Variants in NAB1 observed in about 807,000 individuals in gnomAD.
NAB1 encodes the protein NGFI-A-binding protein 1.
NAB1 carries 25 observed loss-of-function variants against 49.9 expected under a neutral mutation model. The observed-to-expected ratio is 0.50, with a 90% CI of 0.37 to 0.70. NAB1 has a LOEUF of 0.70. Among genes scored for constraint, NAB1 ranks in the 30% least tolerant of loss-of-function variants. The probability of loss-of-function intolerance (pLI) is 0.00; values close to 1 mark genes in which losing one functional copy is unlikely to be tolerated. For synonymous variants in NAB1, 198 were observed against 215.6 expected (o/e 0.92, Z 0.71); for missense variants, 489 against 575.9 (o/e 0.85, Z 1.54).
At position 190,659,062 on chromosome 2, in the gene NAB1, T is replaced by C. The variant is rs1018423224; in HGVS notation, c.-19-96T>C. On this transcript the variant is annotated intron_variant, in intron 3 of 9. Coordinates refer to ENST00000337386, the MANE Select transcript of NAB1 (RefSeq NM_005966.4). The surrounding 1 kb of genome is among the most constrained non-coding windows in gnomAD (Gnocchi z 6.2). ...CAGGCAGTCACGATGCAGATGCTTC[T>C]CGTTTTTGTTCTTAAAACCTGTAGT... 3.1e-5 allele frequency: 23 copies of C among 753,516 alleles called. No individual in the cohort carries two copies. The highest frequency in any genetic ancestry group is 4.4e-5 in the Non-Finnish European group (21 of 474,656). 46.7% of individuals were successfully genotyped at this position (753,516 alleles called of 1,614,324 possible).
Position 190,659,419 on chromosome 2 carries a change from T to C in NAB1, c.243T>C (p.Leu81=), listed in dbSNP as rs991591115. 2 of 1,614,000 alleles carry C rather than the reference T, an allele frequency of 1.2e-6. No individual in the cohort carries two copies. Among genetic ancestry groups the C allele is most frequent in the Non-Finnish European group, 1.7e-6 (2 of 1,180,032 alleles). ...GAGACTGGGTCACAAACCCTGGGCT[T>C]TTCAATCAGCCACTGACTTCCCTTC... The part of the protein sequence containing the change: ...ALRDWVTNPG[L]FNQPLTSLPV... Residue 81 remains leucine, a synonymous_variant, in exon 4 of 10, where the codon CTT becomes CTC. Transcript: ENST00000337386. The surrounding 1 kb of genome is among the most constrained non-coding windows in gnomAD (Gnocchi z 6.2).
intron 4 of NAB1, among the ~76,000 whole-genome samples, chr2:190,662,020 GT>G (rs1217908124): frequency 6.6e-6 from 1 of 152,150 alleles, no homozygotes; most frequent in African/African-American, 2.4e-5. Context: ...ATTAGCAGAA[GT>G]TTTTTTAGTT....
chr2:190,664,586 C>CTTTTTTTTTTTT (rs71027237), intron 4 of NAB1, among the ~76,000 whole-genome samples: 8 of 61,092 alleles, frequency 1.3e-4, no homozygotes, highest in Non-Finnish European at 1.4e-4. Flanking sequence ...TTCTTCTTTC[C>CTTTTTTTTTTTT]TTTTTTTTTT....
At position 190,687,181 on chromosome 2, in the gene NAB1, T is replaced by A; in HGVS notation, c.1259-20T>A. The stretch of plus-strand genomic sequence containing the variant: ...GGTATGTTTTTAATATTATGCATAT[T>A]TCTTTTTTCTTTTCATTAGGAGAAA... On this transcript the variant is annotated intron_variant, in intron 8 of 9. Coordinates refer to ENST00000337386, the MANE Select transcript of NAB1 (RefSeq NM_005966.4). 2 of 1,479,128 alleles carry A rather than the reference T, an allele frequency of 1.4e-6. No individual in the cohort carries two copies. Among genetic ancestry groups the A allele is most frequent in the Admixed American group, 2.4e-5 (1 of 41,656 alleles). 91.6% of individuals were successfully genotyped at this position (1,479,128 alleles called of 1,614,324 possible).
chr2:190,663,629 C>T lies in NAB1; in HGVS notation c.819+3634C>T, dbSNP rs1694337901. Among the ~76,000 whole-genome samples the T allele has an allele frequency of 6.6e-6, 1 of 152,166 alleles. No homozygotes were observed. The highest frequency in any genetic ancestry group is 2.1e-4 in the South Asian group (1 of 4,830). ...GAAGAAGCCACTCTGGGCTTAGTTG[C>T]TATTCTTGCTTGTGCTGTACACGTG... On this transcript the variant is annotated intron_variant, in intron 4 of 9. Coordinates refer to ENST00000337386, the MANE Select transcript of NAB1 (RefSeq NM_005966.4). This position sits in a 1 kb window ranked among gnomAD's most constrained non-coding sequence, Gnocchi z 4.2.
Position 190,659,815 on chromosome 2 carries a change from T to A in NAB1, c.639T>A (p.Ser213Arg). The part of the protein sequence containing the change: ...VERMAPTLPK[S>R]DLNEVKELLK... ...GGATGGCCCCCACACTGCCAAAAAGTGACTTGAATGAAGTGAAAGAGCTGC... is the reference window on the plus strand; with the variant it reads ...GGATGGCCCCCACACTGCCAAAAAGAGACTTGAATGAAGTGAAAGAGCTGC... The change falls in exon 4 of 10, where the codon AGT becomes AGA. Residue 213 changes from serine to arginine, a missense_variant. Physicochemically the swap from Ser to Arg is moderately radical, Grantham distance 110. Transcript: ENST00000337386. This position sits in a 1 kb window ranked among gnomAD's most constrained non-coding sequence, Gnocchi z 6.2. 6.2e-7 allele frequency: 1 copy of A among 1,614,152 alleles called. No individual in the cohort carries two copies. Among genetic ancestry groups the A allele is most frequent in the Non-Finnish European group, 8.5e-7 (1 of 1,180,024 alleles).
chr2:190,649,229 C>T lies in NAB1; in HGVS notation c.-465C>T, dbSNP rs1693513158. Reference sequence around the variant, plus strand: ...AGCGCGCCCACCACCTTCCCTTCCCCCCTCGATGGGAGCGGGGGCGTCCCG... The same window carrying T: ...AGCGCGCCCACCACCTTCCCTTCCCTCCTCGATGGGAGCGGGGGCGTCCCG... On this transcript the variant is annotated 5_prime_UTR_variant, in exon 1 of 10. Coordinates refer to ENST00000337386, the MANE Select transcript of NAB1 (RefSeq NM_005966.4). This position sits in a 1 kb window ranked among gnomAD's most constrained non-coding sequence, Gnocchi z 6.1. 1 of 151,900 alleles carries T rather than the reference C, an allele frequency of 6.6e-6. No individual in the cohort carries two copies. Among genetic ancestry groups the T allele is most frequent in the Non-Finnish European group, 1.5e-5 (1 of 67,948 alleles). 9.4% of individuals were successfully genotyped at this position (151,900 alleles called of 1,614,324 possible).
rs901760229 is a variant in NAB1, at chr2:190,669,231, T to A, written c.820-1095T>A. On this transcript the variant is annotated intron_variant, in intron 4 of 9. Transcript: ENST00000337386. The surrounding 1 kb of genome is among the most constrained non-coding windows in gnomAD (Gnocchi z 4.3). ...ATTTGTATAATTTTTCATTTAATAT[T>A]TTTGGGTCCCAGTTGACCACAGGTA... Among the ~76,000 whole-genome samples the A allele has an allele frequency of 6.6e-6, 1 of 152,190 alleles. No homozygotes were observed. The highest frequency in any genetic ancestry group is 2.4e-5 in the African/African-American group (1 of 41,436).
chr2:190,687,566 G>A (rs576644684), intron 9 of NAB1, among the ~76,000 whole-genome samples: 1 of 152,238 alleles, frequency 6.6e-6, no homozygotes, highest in South Asian at 2.1e-4. Flanking sequence ...TGAACCTTTG[G>A]TGTAATGCAA....
rs540743454 is a variant in NAB1, at chr2:190,682,770, T to C, written c.1006-968T>C. Among the ~76,000 whole-genome samples the C allele has an allele frequency of 6.6e-6, 1 of 152,252 alleles. No individual in the cohort carries two copies. The highest frequency in any genetic ancestry group is 1.9e-4 in the East Asian group (1 of 5,182). ...AAATGATTTTTGAGTATCAAAAGTA[T>C]AGATAAATTGGCATAAATTAAGAAA... On this transcript the variant is annotated intron_variant, in intron 6 of 9. Coordinates refer to ENST00000337386, the MANE Select transcript of NAB1 (RefSeq NM_005966.4). The surrounding 1 kb of genome is among the most constrained non-coding windows in gnomAD (Gnocchi z 4.1).
In NAB1 at chr2:190,676,198, A is replaced by G. The variant is rs1695062421; in HGVS notation, c.1005+3046A>G. On this transcript the variant is annotated intron_variant, in intron 6 of 9. Transcript: ENST00000337386. This position sits in a 1 kb window ranked among gnomAD's most constrained non-coding sequence, Gnocchi z 4.6. Reference sequence around the variant, plus strand: ...AAGGGTAGAATTTCAAAAGGTAGCGATGTGGGGAGGGGATTGGGGTGGCAT... The same window carrying G: ...AAGGGTAGAATTTCAAAAGGTAGCGGTGTGGGGAGGGGATTGGGGTGGCAT... 6.6e-6 allele frequency among the ~76,000 whole-genome samples: 1 copy of G among 152,094 alleles called. No homozygotes were observed. The highest frequency in any genetic ancestry group is 1.9e-4 in the East Asian group (1 of 5,190).
At chr2:190,656,397 C>T (rs1693920499) in intron 3 of NAB1, among the ~76,000 whole-genome samples, 1 of 152,178 alleles carries the variant, frequency 6.6e-6, no homozygotes, top group Admixed American at 6.5e-5. Context: ...TTTAAATTAT[C>T]ACAGCCGGCT....
Position 190,684,669 on chromosome 2 carries a change from C to T in NAB1, c.1096-807C>T, listed in dbSNP as rs188762321. On this transcript the variant is annotated intron_variant, in intron 7 of 9. Coordinates refer to ENST00000337386, the MANE Select transcript of NAB1 (RefSeq NM_005966.4). The surrounding 1 kb of genome is among the most constrained non-coding windows in gnomAD (Gnocchi z 4.6). ...GCATTTTGTAACCAATTTTATATAG[C>T]AGCTTTCTTGTCCTACTCTCTTATA... Among the ~76,000 whole-genome samples the T allele has an allele frequency of 6.3e-4, 96 of 152,248 alleles. 2 individuals carry two copies. In the East Asian group the frequency reaches 0.015, roughly 24 times the overall value.
In NAB1 at chr2:190,659,319, A is replaced by T; in HGVS notation, c.143A>T (p.Glu48Val). The T allele has an allele frequency of 1.2e-6, 2 of 1,614,066 alleles. No homozygotes were observed. The highest frequency in any genetic ancestry group is 1.7e-6 in the Non-Finnish European group (2 of 1,180,000). ...CAACTCTGTGAAGCAGGAGAAGAGG[A>T]GTTTTTGGAAATCATGGCACTCGTG... The part of the protein sequence containing the change: ...VQQLCEAGEE[E>V]FLEIMALVGM... Residue 48 changes from glutamate to valine, a missense_variant, in exon 4 of 10, where the codon GAG becomes GTG. Physicochemically the swap from Glu to Val is moderately radical, Grantham distance 121. Transcript: ENST00000337386. This position sits in a 1 kb window ranked among gnomAD's most constrained non-coding sequence, Gnocchi z 6.2.
At position 190,659,871 on chromosome 2, in the gene NAB1, T is replaced by C. The variant is rs2125618481; in HGVS notation, c.695T>C (p.Ile232Thr). ...LKTNKKLAKMIGHIFEMNDDD... is the reference protein window; with the variant it reads ...LKTNKKLAKMTGHIFEMNDDD... ...ACCAACAAGAAGTTGGCCAAAATGATTGGTCACATCTTTGAGATGAACGAT... is the reference window on the plus strand; with the variant it reads ...ACCAACAAGAAGTTGGCCAAAATGACTGGTCACATCTTTGAGATGAACGAT... Residue 232 changes from isoleucine to threonine, a missense_variant, in exon 4 of 10, where the codon ATT becomes ACT. Ile to Thr is a moderately conservative substitution (Grantham distance 89). Coordinates refer to ENST00000337386, the MANE Select transcript of NAB1 (RefSeq NM_005966.4). This position sits in a 1 kb window ranked among gnomAD's most constrained non-coding sequence, Gnocchi z 6.2. 6.2e-7 allele frequency: 1 copy of C among 1,614,134 alleles called. No individual in the cohort carries two copies. The highest frequency in any genetic ancestry group is 2.2e-5 in the East Asian group (1 of 44,884).
Position 190,670,070 on chromosome 2 carries a change from TA to T in NAB1, c.820-254del, listed in dbSNP as rs1273904291. Among the ~76,000 whole-genome samples the T allele has an allele frequency of 6.6e-6, 1 of 152,076 alleles. No homozygotes were observed. The highest frequency in any genetic ancestry group is 2.4e-5 in the African/African-American group (1 of 41,414). ...CTTGTCGTCTATAAACTCTCCTATC[TA>T]ACCAAAAAAAGGATATAAATAAATA... On this transcript the variant is annotated intron_variant, in intron 4 of 9. Coordinates refer to ENST00000337386, the MANE Select transcript of NAB1 (RefSeq NM_005966.4). This position sits in a 1 kb window ranked among gnomAD's most constrained non-coding sequence, Gnocchi z 5.3.
chr2:190,681,836 A>G (rs1032138483), intron 6 of NAB1, among the ~76,000 whole-genome samples: 1 of 152,222 alleles, frequency 6.6e-6, no homozygotes, highest in African/African-American at 2.4e-5. Context: ...TATATCCCAA[A>G]TAAGGTAAAA....
intron 3 of NAB1, among the ~76,000 whole-genome samples, chr2:190,658,004 A>G (rs778930768): frequency 1.4e-4 from 22 of 152,210 alleles, no homozygotes; most frequent in Non-Finnish European, 2.5e-4. Flanking sequence ...AAATGGAAGT[A>G]CTTGGCCAAC....
intron 5 of NAB1, among the ~76,000 whole-genome samples, chr2:190,671,839 G>C (rs1302519955): frequency 7.7e-6 from 1 of 129,790 alleles, no homozygotes; most frequent in African/African-American, 3.0e-5. Context: ...GCAATAGCTC[G>C]ATCTTGGTTC....
Sources: gnomAD v4.1 joint callset for allele counts (sites outside exome capture counted in the v4.1 genomes callset) on GRCh38, gnomAD v4.1.1 for gene constraint, Gnocchi (gnomAD v3.1) non-coding constraint, MANE v1.5 for transcripts, NCBI Gene and HGNC (gene_info 2026-07-23, HGNC 2026-07-21) for gene names.